The following TTC1 variants were observed in gnomAD, a reference collection of about 807,000 sequenced individuals.
TTC1 encodes tetratricopeptide repeat domain 1.
TTC1 carries 31 observed loss-of-function variants against 37.6 expected under a neutral mutation model. That is an observed-to-expected ratio of 0.82 (90% CI 0.62 to 1.11). The LOEUF is 1.11. TTC1 is among the 50% of genes most tolerant of loss of function. The pLI, the probability that TTC1 is intolerant of heterozygous loss-of-function variation, is 0.00. For missense variants in TTC1, 351 were observed against 339.0 expected, an observed-to-expected ratio of 1.04 and a Z score of -0.28; for synonymous variants, 127 against 122.4, an observed-to-expected ratio of 1.04 and a Z score of -0.25.
chr5:160,062,540 G>A (rs985685991), intron 7 of TTC1, among the ~76,000 whole-genome samples: 5 of 152,184 alleles, frequency 3.3e-5, no homozygotes, highest in African/African-American at 9.7e-5. Flanking sequence ...CATCCCAGTG[G>A]CTTACATGAT....
chr5:160,010,802 C>G lies in TTC1; in HGVS notation c.274C>G (p.Leu92Val). 1 of 1,614,178 alleles carries G rather than the reference C, an allele frequency of 6.2e-7. No individual in the cohort carries two copies. Among genetic ancestry groups the G allele is most frequent in the Non-Finnish European group, 8.5e-7 (1 of 1,180,048 alleles). The change falls in exon 2 of 8, where the codon CTA (leucine) becomes GTA (valine). Residue 92 changes from leucine to valine, a missense_variant. Transcript: ENST00000231238. ...KSNEDVNSSE[L>V]DEEYLIELEK... The stretch of plus-strand genomic sequence containing the variant: ...TAATGAAGATGTGAATTCCTCTGAA[C>G]TAGATGAAGAATACCTAATAGAACT...
intron 2 of TTC1, among the ~76,000 whole-genome samples, chr5:160,015,191 A>T (rs988879899): frequency 6.6e-6 from 1 of 152,130 alleles, no homozygotes; most frequent in Admixed American, 6.6e-5. Flanking sequence ...AGTGCTGGAG[A>T]TTAAGCTCCA....
intron 2 of TTC1, among the ~76,000 whole-genome samples, chr5:160,015,629 CTG>C (rs1296009414): frequency 6.6e-6 from 1 of 152,176 alleles, no homozygotes; most frequent in African/African-American, 2.4e-5. Context: ...CTACCTTTCC[CTG>C]TGTGTCTCTT....
intron 7 of TTC1, 28 bp from the exon 8 acceptor site, chr5:160,064,904 C>T: frequency 6.2e-7 from 1 of 1,602,980 alleles, no homozygotes; most frequent in Non-Finnish European, 8.5e-7. Context: ...TTCCTGTATT[C>T]ATTTGAGTTT....
rs766245498 is a variant in TTC1 at position 160,010,641 on chromosome 5, A to G, written c.113A>G (p.Asn38Ser). 20 of 1,613,996 alleles carry G rather than the reference A, an allele frequency of 1.2e-5. No homozygotes were observed. Among genetic ancestry groups the G allele is most frequent in the Non-Finnish European group, 1.5e-5 (18 of 1,179,998 alleles). The stretch of plus-strand genomic sequence containing the variant: ...GGCCCTCCAGTTCCTGATCCCAAAA[A>G]TCAGCATTCCCAGAGTAAGCTGCTC... ...CAGPPVPDPK[N>S]QHSQSKLLRD... is the part of the protein sequence containing the mutation. The change falls in exon 2 of 8, where the codon AAT becomes AGT. Residue 38 changes from asparagine to serine, a missense_variant. Coordinates refer to ENST00000231238, the MANE Select transcript of TTC1 (RefSeq NM_003314.3).
intron 2 of TTC1, among the ~76,000 whole-genome samples, chr5:160,021,834 A>G (rs557361314): frequency 6.6e-6 from 1 of 152,314 alleles, no homozygotes; most frequent in East Asian, 1.9e-4. Flanking sequence ...CCACCTAGAT[A>G]AGACTAAAGC....
At chr5:160,055,241 A>G (rs919704352) in intron 7 of TTC1, among the ~76,000 whole-genome samples, 4 of 152,202 alleles carry the variant, frequency 2.6e-5, no homozygotes, top group Non-Finnish European at 4.4e-5. Flanking sequence ...GAAATTGTCA[A>G]TAAAATCTGT....
At chr5:160,012,648 C>T (rs753091046) in intron 2 of TTC1, among the ~76,000 whole-genome samples, 22 of 152,272 alleles carry the variant, frequency 1.4e-4, no homozygotes, top group Middle Eastern at 6.8e-3. Context: ...GGATTACAGG[C>T]GTGAACCACC....
intron 5 of TTC1, among the ~76,000 whole-genome samples, chr5:160,046,112 G>T (rs1757237096): frequency 1.3e-5 from 2 of 152,106 alleles, no homozygotes; most frequent in Admixed American, 1.3e-4. Context: ...CCATTTATCT[G>T]ATCCCTTTCA....
intron 3 of TTC1, among the ~76,000 whole-genome samples, chr5:160,035,417 G>A (rs1173248140): frequency 6.6e-6 from 1 of 152,186 alleles, no homozygotes; most frequent in Non-Finnish European, 1.5e-5. Context: ...CACATGCATA[G>A]TCTTTCTGTA....
chr5:160,011,023 G>A (rs763072577), intron 2 of TTC1, among the ~76,000 whole-genome samples, 165 bp downstream of exon 2: 6 of 152,252 alleles, frequency 3.9e-5, no homozygotes, highest in Middle Eastern at 3.4e-3. Flanking sequence ...TGGCGTGACA[G>A]GGAAGCACTT....
chr5:160,043,002 T>C lies in TTC1; in HGVS notation c.505-131T>C, dbSNP rs557975507. ...TTGTCTTGGAAGTAACATTCAGGTT[T>C]TTACGTAATTTCTTTGAAAACCATT... is the stretch of plus-strand genomic sequence containing the variant. On this transcript the variant is annotated intron_variant, in intron 4 of 7. Coordinates refer to ENST00000231238, the MANE Select transcript of TTC1 (RefSeq NM_003314.3). The C allele has an allele frequency of 1.1e-5, 10 of 939,586 alleles. No homozygotes were observed. The Admixed American group carries it at 1.1e-4, about 11-fold the overall frequency. The allele number at this position is 939,586 out of a possible 1,614,324, so 58.2% of individuals were successfully genotyped here. A position where few individuals can be genotyped will look rare whatever the true frequency, so the allele number is the denominator to read the frequency against.
chr5:160,043,090 A>G (rs563557293), intron 4 of TTC1, 43 bp from the exon 5 acceptor site: 3 of 1,604,712 alleles, frequency 1.9e-6, no homozygotes, highest in Admixed American at 1.7e-5. Context: ...GGCCATTAAG[A>G]TAAAACTAGG....
At chr5:160,051,325 C>T in intron 7 of TTC1, 142 bp downstream of exon 7, 1 of 601,754 alleles carries the variant, frequency 1.7e-6, no homozygotes, top group Non-Finnish European at 2.8e-6. Flanking sequence ...ATTTTGACCC[C>T]AGAAGGGGCA....
At chr5:160,051,021 A>G (rs917309203) in intron 6 of TTC1, 108 bp from the exon 7 acceptor site, 8 of 824,392 alleles carry the variant, frequency 9.7e-6, no homozygotes, top group Non-Finnish European at 1.1e-5. Flanking sequence ...ACTTAACTTG[A>G]TCTTATTTCC....
chr5:160,049,347 T>C (rs1339087424), intron 5 of TTC1, among the ~76,000 whole-genome samples, 167 bp from the exon 6 acceptor site: 1 of 152,210 alleles, frequency 6.6e-6, no homozygotes, highest in African/African-American at 2.4e-5. Flanking sequence ...CTACAATCTT[T>C]ACTATCTTGC....
At chr5:160,029,764 T>G (rs542826003) in intron 2 of TTC1, among the ~76,000 whole-genome samples, 6 of 152,366 alleles carry the variant, frequency 3.9e-5, no homozygotes, top group African/African-American at 1.4e-4. Context: ...TGGAATATTA[T>G]GTAAACCTGC....
chr5:160,044,145 T>C (rs1286777337), intron 5 of TTC1, among the ~76,000 whole-genome samples: 1 of 152,192 alleles, frequency 6.6e-6, no homozygotes, highest in African/African-American at 2.4e-5. Context: ...TTTTCTTCTT[T>C]GGATAATAGT....
At chr5:160,024,779 T>C (rs920721802) in intron 2 of TTC1, among the ~76,000 whole-genome samples, 4 of 151,970 alleles carry the variant, frequency 2.6e-5, no homozygotes, top group Non-Finnish European at 5.9e-5. Context: ...TAGAACAGCC[T>C]AAGTCCTGTG....
Sources: allele counts gnomAD v4.1 joint callset (sites outside exome capture counted in the v4.1 genomes callset), GRCh38; gene constraint gnomAD v4.1.1; transcripts MANE v1.5; gene names NCBI Gene and HGNC (gene_info 2026-07-23, HGNC 2026-07-21).